SLC4A11: variants seen among roughly 807,000 people sequenced by gnomAD.
The protein encoded by SLC4A11 is bicarbonate transporter related protein 1.
A neutral mutation model predicts 95.0 loss-of-function variants in SLC4A11; 74 were observed. The ratio of observed to expected loss-of-function variants is 0.78; its 90% CI spans 0.65 to 0.95. The LOEUF (loss-of-function observed/expected upper bound fraction) is 0.95, where lower values mean the gene tolerates loss of function less well. Ranked by LOEUF, SLC4A11 falls within the 40% of genes least tolerant of loss-of-function variation. The probability of loss-of-function intolerance (pLI) is 0.00; values close to 1 mark genes in which losing one functional copy is unlikely to be tolerated. For synonymous variants in SLC4A11, 548 were observed against 519.0 expected (o/e 1.06, Z -0.76); for missense variants, 1,081 against 1,192.4 (o/e 0.91, Z 1.38).
In SLC4A11 at chr20:3,233,944, G is replaced by A. The variant is rs763387034; in HGVS notation, c.582C>T (p.Tyr194=). ...ACATGATGCAGAGCCACGACTGCTG[G>A]TACCGCACCCCTGTCACTGTGGCGG... ...GVTATVTGVR[Y]QQSWLCIICT... The change falls in exon 6 of 20, where the codon TAC becomes TAT. Residue 194 remains tyrosine (Y), a synonymous_variant. Coordinates refer to ENST00000642402, the MANE Select transcript of SLC4A11 (RefSeq NM_001174089.2). 8 of 1,613,508 alleles carry A rather than the reference G, an allele frequency of 5.0e-6. No homozygotes were observed. The highest frequency in any genetic ancestry group is 1.7e-5 in the Admixed American group (1 of 60,030).
chr20:3,229,853 G>T (rs1341559888), intron 13 of SLC4A11, 77 bp from the exon 14 acceptor site: 15 of 1,599,394 alleles, frequency 9.4e-6, no homozygotes, highest in Non-Finnish European at 1.3e-5. Flanking sequence ...GGGATCTCAG[G>T]GAGAAAGGGC....
Position 3,229,754 on chromosome 20 carries a change from C to T in SLC4A11, c.1512G>A (p.Gly504=). 6.2e-7 allele frequency: 1 copy of T among 1,613,928 alleles called. No individual in the cohort carries two copies. Among genetic ancestry groups the T allele is most frequent in the Non-Finnish European group, 8.5e-7 (1 of 1,179,988 alleles). ...TVKIFWKYYY[G]HYLDDYHTKR... is the part of the protein sequence containing the mutation. The stretch of plus-strand genomic sequence containing the variant: ...TTGTGTGATAGTCGTCCAAGTAATG[C>T]CCATAGTAGTACTTCCAGAAGACTG... Residue 504 remains glycine, a synonymous_variant, in exon 14 of 20, where the codon GGG becomes GGA. Coordinates refer to ENST00000642402, the MANE Select transcript of SLC4A11 (RefSeq NM_001174089.2).
Position 3,231,017 on chromosome 20 carries a change from T to C in SLC4A11, c.1084A>G (p.Thr362Ala). 2.5e-6 allele frequency: 4 copies of C among 1,611,684 alleles called. No homozygotes were observed. The highest frequency in any genetic ancestry group is 3.4e-6 in the Non-Finnish European group (4 of 1,179,580). Residue 362 changes from threonine (T) to alanine (A), a missense_variant, in exon 10 of 20, where the codon ACC becomes GCC. This residue lies in a region of SLC4A11 where 767 missense variants were observed against 858.0 expected (regional missense o/e 0.89). Coordinates refer to ENST00000642402, the MANE Select transcript of SLC4A11 (RefSeq NM_001174089.2). The surrounding 1 kb of genome is among the most constrained non-coding windows in gnomAD (Gnocchi z 5.2). ...CAGGCGAAGTAGAGGAACAGGGTGGTGGTGATGTATTTGCCCACAGCCTTG... is the reference window on the plus strand; with the variant it reads ...CAGGCGAAGTAGAGGAACAGGGTGGCGGTGATGTATTTGCCCACAGCCTTG... Reference protein sequence around the residue: ...KNKAVGKYITTTLFLYFACLL... With the variant: ...KNKAVGKYITATLFLYFACLL...
upstream of SLC4A11, chr20:3,239,450 C>G: frequency 7.7e-6 from 8 of 1,039,904 alleles, no homozygotes; most frequent in Non-Finnish European, 8.1e-6. Context: ...CGCGCCGGAC[C>G]CAGCAGACCC....
chr20:3,228,144 C>CCCCCCAAA, intron 19 of SLC4A11, 115 bp downstream of exon 19: 1 of 718,214 alleles, frequency 1.4e-6, no homozygotes, highest in Non-Finnish European at 2.4e-6. Context: ...GCACCCACCC[C>CCCCCCAAA]AACCCGCCCA....
chr20:3,233,294 T>C (rs762229645), intron 7 of SLC4A11, among the ~76,000 whole-genome samples: 2 of 152,108 alleles, frequency 1.3e-5, no homozygotes, highest in African/African-American at 2.4e-5. Context: ...TCAAAAGCGT[T>C]TCCTTTCAGT....
rs1217017911 is a variant in SLC4A11, at chr20:3,228,324, G to A, written c.2493C>T (p.Gly831=). The A allele has an allele frequency of 1.9e-6, 3 of 1,613,268 alleles. No homozygotes were observed. Among genetic ancestry groups the A allele is most frequent in the Non-Finnish European group, 2.5e-6 (3 of 1,179,992 alleles). Residue 831 remains glycine, a synonymous_variant, in exon 19 of 20, where the codon GGC becomes GGT. Coordinates refer to ENST00000642402, the MANE Select transcript of SLC4A11 (RefSeq NM_001174089.2). The stretch of plus-strand genomic sequence containing the variant: ...TCTTCATGTAGGGCAGGGAGCTCAT[G>A]CCGAAGGCACACAGCAGCAGCAGCT... ...VLQLLLLCAF[G]MSSLPYMKMI... is the part of the protein sequence containing the mutation.
At position 3,227,475 on chromosome 20, in the gene SLC4A11, A is replaced by G. The variant is rs899288056; in HGVS notation, c.*312T>C. On this transcript the variant is annotated 3_prime_UTR_variant, in exon 20 of 20. Coordinates refer to ENST00000642402, the MANE Select transcript of SLC4A11 (RefSeq NM_001174089.2). ...TGTGCGTCCAGCAAGTTCCTTACAC[A>G]ATCAAGGAAATGGTTTCTCTTTCAG... The G allele has an allele frequency of 7.1e-6, 3 of 421,334 alleles. No homozygotes were observed. Among genetic ancestry groups the G allele is most frequent in the African/African-American group, 6.0e-5 (3 of 49,636 alleles). The allele number at this position is 421,334 out of a possible 1,614,324, so 26.1% of individuals were successfully genotyped here. A position where few individuals can be genotyped will look rare whatever the true frequency, so the allele number is the denominator to read the frequency against.
intron 13 of SLC4A11, 111 bp downstream of exon 13, chr20:3,230,076 G>T: frequency 1.5e-6 from 2 of 1,325,700 alleles, no homozygotes; most frequent in Non-Finnish European, 2.2e-6. Flanking sequence ...CCTTGATCAC[G>T]GGCACACACT....
intron 6 of SLC4A11, 108 bp from the exon 7 acceptor site, chr20:3,233,745 G>A: frequency 6.4e-7 from 1 of 1,559,568 alleles, no homozygotes; most frequent in Non-Finnish European, 8.7e-7. Context: ...GCTAGGGAGG[G>A]AAAAGAAGAG....
chr20:3,228,305 T>G lies in SLC4A11; in HGVS notation c.2512A>C (p.Met838Leu). 2.5e-6 allele frequency: 4 copies of G among 1,612,942 alleles called. No homozygotes were observed. Among genetic ancestry groups the G allele is most frequent in the Non-Finnish European group, 3.4e-6 (4 of 1,179,906 alleles). ...ATGATGAGGGGAAAGATCATCTTCA[T>G]GTAGGGCAGGGAGCTCATGCCGAAG... Reference protein sequence around the residue: ...CAFGMSSLPYMKMIFPLIMIA... With the variant: ...CAFGMSSLPYLKMIFPLIMIA... The change falls in exon 19 of 20, where the codon ATG (methionine) becomes CTG (leucine). Residue 838 changes from methionine (M) to leucine (L), a missense_variant. Physicochemically the swap from Met to Leu is conservative, Grantham distance 15 (BLOSUM62 2). Transcript: ENST00000642402.
At position 3,234,563 on chromosome 20, in the gene SLC4A11, T is replaced by C; in HGVS notation, c.291+5A>G. The stretch of plus-strand genomic sequence containing the variant: ...CCAGGACCACCTGCAGGACAGGCCA[T>C]TCACCTTTCGGGAGGTGTGCAGGAG... On this transcript the variant is annotated splice_donor_5th_base_variant and intron_variant, in intron 4 of 19. Coordinates refer to ENST00000642402, the MANE Select transcript of SLC4A11 (RefSeq NM_001174089.2). The surrounding 1 kb of genome is among the most constrained non-coding windows in gnomAD (Gnocchi z 5.8). 5 of 1,613,794 alleles carry C rather than the reference T, an allele frequency of 3.1e-6. No homozygotes were observed. The highest frequency in any genetic ancestry group is 1.3e-5 in the African/African-American group (1 of 75,044).
chr20:3,239,151 A>T lies in SLC4A11; in HGVS notation c.-14T>A. On this transcript the variant is annotated 5_prime_UTR_variant, in exon 1 of 20. Coordinates refer to ENST00000642402, the MANE Select transcript of SLC4A11 (RefSeq NM_001174089.2). ...GGCCGCGGCCATGGCACACTCGCGC[A>T]CTCACGGCCGGGCTCCTCACGCGGC... 1 of 1,464,370 alleles carries T rather than the reference A, an allele frequency of 6.8e-7. No individual in the cohort carries two copies. The highest frequency in any genetic ancestry group is 9.0e-7 in the Non-Finnish European group (1 of 1,111,412). The allele number at this position is 1,464,370 out of a possible 1,614,324, so 90.7% of individuals were successfully genotyped here.
intron 19 of SLC4A11, 37 bp downstream of exon 19, chr20:3,228,222 A>G: frequency 6.3e-7 from 1 of 1,598,438 alleles, no homozygotes; most frequent in Non-Finnish European, 8.5e-7. Context: ...CCACACCTAG[A>G]CTGGGCCCCT....
intron 1 of SLC4A11, chr20:3,238,781 C>A: frequency 8.9e-7 from 1 of 1,128,294 alleles, no homozygotes; most frequent in Non-Finnish European, 1.1e-6. Context: ...CTGGGAGCCC[C>A]ACAGCTCCGC....
chr20:3,229,923 T>C (rs547515623), intron 13 of SLC4A11, 147 bp from the exon 14 acceptor site: 4 of 1,202,174 alleles, frequency 3.3e-6, no homozygotes, highest in South Asian at 2.5e-5. Context: ...TCCTGCCCAC[T>C]GTCCCTGTCC....
In SLC4A11 at chr20:3,229,663, C is replaced by T; in HGVS notation, c.1603G>A (p.Ala535Thr). ...CTGGCGAGGAAGCTGGCGTTGAGGG[C>T]AGTGTGGAGGCTGGCGTTGAGGCTG... The part of the protein sequence containing the change: ...GASLNASLHT[A>T]LNASFLASPT... The change falls in exon 14 of 20, where the codon GCC becomes ACC. Residue 535 changes from alanine (A) to threonine (T), a missense_variant. Transcript: ENST00000642402. The T allele has an allele frequency of 1.2e-6, 2 of 1,613,870 alleles. No homozygotes were observed. The highest frequency in any genetic ancestry group is 1.7e-4 in the Middle Eastern group (1 of 6,042).
In SLC4A11 at chr20:3,228,729, G is replaced by A. The variant is rs1048082347; in HGVS notation, c.2193-22C>T. 5.6e-6 allele frequency: 9 copies of A among 1,612,648 alleles called. 1 individual carries two copies. Among genetic ancestry groups the A allele is most frequent in the South Asian group, 1.1e-5 (1 of 91,050 alleles). On this transcript the variant is annotated intron_variant, in intron 17 of 19. Transcript: ENST00000642402. ...AATCCTGCGGTGGCCCGAGCCGCGA[G>A]TGTCACCTCTGCGCCCCTGTCCACA...
In SLC4A11 at chr20:3,234,484, G is replaced by A. The variant is rs1265290305; in HGVS notation, c.291+84C>T. The A allele has an allele frequency of 3.2e-6, 5 of 1,585,654 alleles. No homozygotes were observed. The highest frequency in any genetic ancestry group is 4.3e-6 in the Non-Finnish European group (5 of 1,156,564). On this transcript the variant is annotated intron_variant, in intron 4 of 19. Transcript: ENST00000642402. The surrounding 1 kb of genome is among the most constrained non-coding windows in gnomAD (Gnocchi z 5.8). ...TGCTCCTGGAGGCATGGGAAGAGGG[G>A]AGCAGCGGGAGGATTCTCAGGGAAG...
Sources: allele counts gnomAD v4.1 joint callset (sites outside exome capture counted in the v4.1 genomes callset), GRCh38; gene constraint gnomAD v4.1.1; regional missense constraint gnomAD v4.1.1; non-coding constraint Gnocchi (gnomAD v3.1); transcripts MANE v1.5; gene names NCBI Gene and HGNC (gene_info 2026-07-23, HGNC 2026-07-21).